C2orf66: variants seen among roughly 807,000 people sequenced by gnomAD.
C2orf66 encodes the protein chromosome 2 open reading frame 66, also known as uncharacterized protein C2orf66.
In C2orf66, 6 loss-of-function variants were observed where a neutral mutation model predicts 7.0. That is an observed-to-expected ratio of 0.86 (90% CI 0.47 to 1.69). The LOEUF is 1.69. Among genes scored for constraint, C2orf66 ranks in the 40% most tolerant of loss-of-function variants. C2orf66 has a pLI of 0.01. For missense variants in C2orf66, 107 were observed against 112.0 expected, an observed-to-expected ratio of 0.96 and a Z score of 0.20; for synonymous variants, 38 against 43.8, an observed-to-expected ratio of 0.87 and a Z score of 0.52.
At chr2:196,823,478 G>C in the C2orf66 span, among the ~76,000 whole-genome samples, 24 of 152,004 alleles carry the variant, frequency 1.6e-4, no homozygotes, top group African/African-American at 5.3e-4. Context: ...AGAAAAATTA[G>C]CCAGGTGTGG....
chr2:196,806,889 T>C (rs1057067344), intron 2 of C2orf66, among the ~76,000 whole-genome samples: 2 of 152,068 alleles, frequency 1.3e-5, no homozygotes, highest in Non-Finnish European at 2.9e-5. Flanking sequence ...AATTCAAATC[T>C]TAATAAATTT....
chr2:196,822,645 A>G, the C2orf66 span, among the ~76,000 whole-genome samples: 2 of 152,132 alleles, frequency 1.3e-5, no homozygotes. Flanking sequence ...TTTTTTTTCA[A>G]CTAAACAGCC....
upstream of C2orf66, among the ~76,000 whole-genome samples, chr2:196,811,169 A>G (rs1323947276): frequency 6.6e-6 from 1 of 152,212 alleles, no homozygotes; most frequent in Non-Finnish European, 1.5e-5. Flanking sequence ...TGCCAGGCGT[A>G]GAGGGAGCAG....
chr2:196,824,530 A>G, the C2orf66 span, among the ~76,000 whole-genome samples: 1 of 152,322 alleles, frequency 6.6e-6, no homozygotes, highest in African/African-American at 2.4e-5. Flanking sequence ...TTGGTACTTA[A>G]ATGTCTTACT....
intron 2 of C2orf66, among the ~76,000 whole-genome samples, chr2:196,807,201 G>A (rs1699828381): frequency 6.6e-6 from 1 of 152,044 alleles, no homozygotes; most frequent in African/African-American, 2.4e-5. Context: ...TCTCTGCCTG[G>A]ATAACTATGC....
chr2:196,820,064 C>G, the C2orf66 span, among the ~76,000 whole-genome samples: 1 of 152,176 alleles, frequency 6.6e-6, no homozygotes, highest in South Asian at 2.1e-4. Context: ...CTGTTTTGTC[C>G]AAGTCCTGAG....
the C2orf66 span, among the ~76,000 whole-genome samples, chr2:196,818,595 G>A: frequency 1.1e-3 from 162 of 152,266 alleles, no homozygotes; most frequent in East Asian, 0.019. Context: ...AGTCAACAGA[G>A]GATAAAAATC....
the C2orf66 span, among the ~76,000 whole-genome samples, chr2:196,822,988 A>G: frequency 2.0e-5 from 3 of 151,224 alleles, no homozygotes; most frequent in Non-Finnish European, 4.4e-5. Context: ...CTTCAAGTCA[A>G]GTGTCTTGTT....
chr2:196,814,916 A>G, the C2orf66 span, among the ~76,000 whole-genome samples: 5 of 152,184 alleles, frequency 3.3e-5, no homozygotes, highest in Non-Finnish European at 7.3e-5. Context: ...AGTTTCCCTG[A>G]TGATTAATAG....
upstream of C2orf66, chr2:196,809,431 T>C (rs1286642260): frequency 6.5e-7 from 1 of 1,533,794 alleles, no homozygotes. Context: ...AGGAAACATC[T>C]GTAAAGGCAG....
At chr2:196,825,333 G>A in the C2orf66 span, among the ~76,000 whole-genome samples, 697 of 151,744 alleles carry the variant, frequency 4.6e-3, 5 homozygotes, top group African/African-American at 0.016. Flanking sequence ...CTAATAATCA[G>A]GAAAATGCAA....
chr2:196,821,928 C>CTTTTTTTTTTT, the C2orf66 span, among the ~76,000 whole-genome samples: 8 of 32,276 alleles, frequency 2.5e-4, 2 homozygotes, highest in East Asian at 2.3e-3. Flanking sequence ...AACCAGTGAG[C>CTTTTTTTTTTT]TTTTTTTTTT....
the C2orf66 span, among the ~76,000 whole-genome samples, chr2:196,822,953 A>G: frequency 6.6e-6 from 1 of 152,202 alleles, no homozygotes; most frequent in Non-Finnish European, 1.5e-5. Context: ...ACCCTAAAAC[A>G]AAAAAGAATC....
the C2orf66 span, among the ~76,000 whole-genome samples, chr2:196,827,746 C>T: frequency 6.6e-6 from 1 of 152,260 alleles, no homozygotes; most frequent in Non-Finnish European, 1.5e-5. Context: ...TAATCAGAAT[C>T]GTGCAAAATA....
At chr2:196,829,143 T>C in the C2orf66 span, among the ~76,000 whole-genome samples, 1 of 152,100 alleles carries the variant, frequency 6.6e-6, no homozygotes, top group Non-Finnish European at 1.5e-5. Context: ...TTCACCCCCT[T>C]TTCCAGAAAA....
upstream of C2orf66, among the ~76,000 whole-genome samples, chr2:196,810,812 G>C (rs765776990): frequency 6.6e-6 from 1 of 152,148 alleles, no homozygotes; most frequent in East Asian, 1.9e-4. Context: ...CTATGTGCCA[G>C]GTACTGCAAC....
the C2orf66 span, among the ~76,000 whole-genome samples, chr2:196,823,753 A>T: frequency 2.6e-5 from 4 of 152,206 alleles, no homozygotes; most frequent in African/African-American, 9.7e-5. Flanking sequence ...GGGGGCTGGA[A>T]AGAAAGCACC....
intron 2 of C2orf66, among the ~76,000 whole-genome samples, chr2:196,805,749 A>G (rs1699813255): frequency 6.6e-6 from 1 of 152,206 alleles, no homozygotes; most frequent in Admixed American, 6.5e-5. Context: ...TAGTATCTGC[A>G]ATTTACAGAT....
At chr2:196,806,686 TAA>T (rs879690476) in intron 2 of C2orf66, among the ~76,000 whole-genome samples, 1 of 141,788 alleles carries the variant, frequency 7.1e-6, no homozygotes. Context: ...CTGTCTCTAC[TAA>T]AAAAAAAAAA....
Sources: gnomAD v4.1 joint callset for allele counts (sites outside exome capture counted in the v4.1 genomes callset) on GRCh38, gnomAD v4.1.1 for gene constraint, MANE v1.5 for transcripts, NCBI Gene and HGNC (gene_info 2026-07-23, HGNC 2026-07-21) for gene names.